The following RAD17 variants were observed in gnomAD, a reference collection of about 807,000 sequenced individuals.
RAD17 encodes the protein cell cycle checkpoint protein RAD17.
Under a neutral mutation model 81.5 loss-of-function variants are expected in RAD17, and 31 were observed. The ratio of observed to expected loss-of-function variants is 0.38; its 90% CI spans 0.29 to 0.51. The LOEUF (loss-of-function observed/expected upper bound fraction) is 0.51. Among genes scored for constraint, RAD17 ranks in the 20% least tolerant of loss-of-function variants. The pLI, the probability that RAD17 is intolerant of heterozygous loss-of-function variation, is 0.88. For synonymous variants in RAD17, 261 were observed against 266.2 expected (o/e 0.98, Z 0.19); for missense variants, 681 against 781.2 (o/e 0.87, Z 1.53).
chr5:69,383,055 A>G (rs1763953230), intron 7 of RAD17, among the ~76,000 whole-genome samples: 1 of 152,144 alleles, frequency 6.6e-6, no homozygotes, highest in Admixed American at 6.6e-5. Flanking sequence ...AAGTGCTGGG[A>G]TTATAGGCGT....
At chr5:69,387,455 C>T (rs1366867642) in intron 11 of RAD17, among the ~76,000 whole-genome samples, 4 of 151,932 alleles carry the variant, frequency 2.6e-5, no homozygotes, top group Non-Finnish European at 5.9e-5. Flanking sequence ...GTGTAGAGCA[C>T]CTAACTGAAT....
chr5:69,378,656 C>G (rs1763659711), intron 6 of RAD17, among the ~76,000 whole-genome samples: 1 of 152,186 alleles, frequency 6.6e-6, no homozygotes. Flanking sequence ...GTCAACCCAT[C>G]AATATATAGC....
chr5:69,391,381 T>C (rs902317676), intron 12 of RAD17, among the ~76,000 whole-genome samples: 7 of 152,226 alleles, frequency 4.6e-5, no homozygotes, highest in Admixed American at 6.5e-5. Context: ...TTTGCAATTT[T>C]TGGGAATAGA....
At chr5:69,369,383 C>T (rs572484739), upstream of RAD17, 9 of 1,538,712 alleles carry the variant, frequency 5.8e-6, no homozygotes, top group African/African-American at 2.8e-5. Context: ...TGAGGGGCCC[C>T]CACCTGGGCG....
intron 3 of RAD17, 92 bp from the exon 4 acceptor site, chr5:69,371,942 A>C: frequency 1.6e-6 from 1 of 622,248 alleles, no homozygotes; most frequent in Non-Finnish European, 2.4e-6. Context: ...TCATGCATGC[A>C]GGGTAGCTAT....
At chr5:69,392,042 G>A in intron 13 of RAD17, 29 bp downstream of exon 13, 1 of 1,436,034 alleles carries the variant, frequency 7.0e-7, no homozygotes, top group Non-Finnish European at 9.3e-7. Context: ...TTTAAAATCT[G>A]TTGGATATCA....
chr5:69,375,528 A>G (rs909988281), intron 6 of RAD17, among the ~76,000 whole-genome samples: 14 of 152,118 alleles, frequency 9.2e-5, no homozygotes, highest in African/African-American at 3.4e-4. Flanking sequence ...ATAATAAAAA[A>G]ATATATATAG....
In RAD17 at chr5:69,373,894, C is replaced by T. The variant is rs778674292; in HGVS notation, c.74C>T (p.Thr25Ile). 1.9e-6 allele frequency: 3 copies of T among 1,608,196 alleles called. No homozygotes were observed. Among genetic ancestry groups the T allele is most frequent in the African/African-American group, 1.3e-5 (1 of 74,514 alleles). ...GAGTGTAGTGGCGTCTCTACTATTACTGCCACATCATTAGGTGTGAATAAC... is the reference window on the plus strand; with the variant it reads ...GAGTGTAGTGGCGTCTCTACTATTATTGCCACATCATTAGGTGTGAATAAC... ...FLECSGVSTI[T>I]ATSLGVNNSS... The change falls in exon 5 of 19, where the codon ACT (threonine) becomes ATT (isoleucine). Residue 25 changes from threonine to isoleucine, a missense_variant. Coordinates refer to ENST00000354868, the MANE Select transcript of RAD17 (RefSeq NM_133338.3).
intron 15 of RAD17, among the ~76,000 whole-genome samples, chr5:69,395,015 G>A (rs1176586601): frequency 6.6e-6 from 1 of 152,132 alleles, no homozygotes; most frequent in Admixed American, 6.5e-5. Context: ...TCACACCACT[G>A]CACTCCAGCC....
chr5:69,388,674 A>G (rs1764362919), intron 11 of RAD17, among the ~76,000 whole-genome samples: 1 of 151,900 alleles, frequency 6.6e-6, no homozygotes, highest in Non-Finnish European at 1.5e-5. Flanking sequence ...TGGCAAGATC[A>G]TAGCTCACTG....
At chr5:69,410,400 A>G (rs2150890827) in intron 17 of RAD17, 93 bp from the exon 18 acceptor site, 1 of 930,812 alleles carries the variant, frequency 1.1e-6, no homozygotes, top group Non-Finnish European at 1.7e-6. Flanking sequence ...TTCTCTAAAG[A>G]TTAGTGATGT....
intron 12 of RAD17, among the ~76,000 whole-genome samples, chr5:69,390,216 A>G (rs1764464910): frequency 6.6e-6 from 1 of 152,190 alleles, no homozygotes; most frequent in African/African-American, 2.4e-5. Flanking sequence ...GTTAGCAATT[A>G]TGTTTTTTTC....
In RAD17 at chr5:69,371,498, G is replaced by T; in HGVS notation, c.-235G>T. On this transcript the variant is annotated 5_prime_UTR_variant, in exon 3 of 19. Transcript: ENST00000354868. ...ACTGCAAGTCCTAAACTACGGATGG[G>T]AACTATTACAGTTTATAATGTCAAA... is the stretch of plus-strand genomic sequence containing the variant. The T allele has an allele frequency of 7.3e-7, 1 of 1,371,680 alleles. No homozygotes were observed. Among genetic ancestry groups the T allele is most frequent in the South Asian group, 1.6e-5 (1 of 60,994 alleles). 85.0% of individuals were successfully genotyped at this position (1,371,680 alleles called of 1,614,324 possible). A position where few individuals can be genotyped will look rare whatever the true frequency, so the allele number is the denominator to read the frequency against.
Position 69,383,392 on chromosome 5 carries a change from A to AT in RAD17, c.508+1345dup, listed in dbSNP as rs979738723. On this transcript the variant is annotated intron_variant, in intron 7 of 18. Coordinates refer to ENST00000354868, the MANE Select transcript of RAD17 (RefSeq NM_133338.3). ...TATTATTATTATTACTATTATTATTATTTTTTTTTTGAGATGGAGTCTTGC... is the reference window on the plus strand; with the variant it reads ...TATTATTATTATTACTATTATTATTATTTTTTTTTTTGAGATGGAGTCTTGC... 2.7e-3 allele frequency among the ~76,000 whole-genome samples: 403 copies of AT among 146,672 alleles called. 1 individual carries two copies. Among genetic ancestry groups the AT allele is most frequent in the African/African-American group, 9.5e-3 (380 of 40,154 alleles).
Position 69,369,881 on chromosome 5 carries a change from T to G in RAD17, c.-469T>G, listed in dbSNP as rs1762817800. 2 of 619,692 alleles carry G rather than the reference T, an allele frequency of 3.2e-6. No individual in the cohort carries two copies. The highest frequency in any genetic ancestry group is 6.2e-5 in the Admixed American group (2 of 32,200). 38.4% of individuals were successfully genotyped at this position (619,692 alleles called of 1,614,324 possible). A position where few individuals can be genotyped will look rare whatever the true frequency, so the allele number is the denominator to read the frequency against. ...CAGGTGGCTGCCCTTTCACCTAGGG[T>G]AGTCCCTGGTCGCCTCCGCTCTTCG... is the stretch of plus-strand genomic sequence containing the variant. On this transcript the variant is annotated 5_prime_UTR_variant, in exon 1 of 19. Coordinates refer to ENST00000354868, the MANE Select transcript of RAD17 (RefSeq NM_133338.3).
At position 69,386,240 on chromosome 5, in the gene RAD17, A is replaced by AGATG. The variant is rs772593790; in HGVS notation, c.762_763insGGAT (p.Asn255GlyfsTer2). 1 of 1,608,116 alleles carries AGATG rather than the reference A, an allele frequency of 6.2e-7. No homozygotes were observed. The highest frequency in any genetic ancestry group is 8.5e-7 in the Non-Finnish European group (1 of 1,176,346). On this transcript the variant is annotated frameshift_variant, in exon 10 of 19. Coordinates refer to ENST00000354868, the MANE Select transcript of RAD17 (RefSeq NM_133338.3). LOFTEE classifies it high-confidence loss of function. Reference sequence around the variant, plus strand: ...TTATAATCTCGGACAGTCTCAGTGGAGATAATAATCAAAGGTTATTGTTTC... The same window carrying AGATG: ...TTATAATCTCGGACAGTCTCAGTGGAGATGGATAATAATCAAAGGTTATTGTTTC...
At chr5:69,409,387 T>G (rs912036375) in intron 17 of RAD17, among the ~76,000 whole-genome samples, 2 of 152,146 alleles carry the variant, frequency 1.3e-5, no homozygotes, top group African/African-American at 4.8e-5. Context: ...TGTTCTTGGC[T>G]GTACCCACCT....
intron 6 of RAD17, among the ~76,000 whole-genome samples, chr5:69,379,885 C>CTT (rs1166961859): frequency 1.4e-5 from 2 of 143,338 alleles, no homozygotes; most frequent in Admixed American, 7.1e-5. Flanking sequence ...TAGTTAACTT[C>CTT]TTTTTTTTTT....
intron 5 of RAD17, 94 bp from the exon 6 acceptor site, chr5:69,374,534 C>T (rs1763218802): frequency 1.3e-6 from 1 of 743,666 alleles, no homozygotes; most frequent in African/African-American, 1.8e-5. Context: ...TTTGCTACTT[C>T]TTTTCGTTAA....
Sources: gnomAD v4.1 joint callset for allele counts (sites outside exome capture counted in the v4.1 genomes callset) on GRCh38, gnomAD v4.1.1 for gene constraint, MANE v1.5 for transcripts, NCBI Gene and HGNC (gene_info 2026-07-23, HGNC 2026-07-21) for gene names.